PXDNL: variants seen among roughly 807,000 people sequenced by gnomAD.
The protein encoded by PXDNL is probable oxidoreductase PXDNL.
PXDNL carries 145 observed loss-of-function variants against 150.8 expected under a neutral mutation model. The observed-to-expected ratio is 0.96, with a 90% CI of 0.84 to 1.10. The LOEUF is 1.10. Ranked by LOEUF, PXDNL falls within the 50% of genes least tolerant of loss-of-function variation. The pLI, the probability that PXDNL is intolerant of heterozygous loss-of-function variation, is 0.00. For missense variants in PXDNL, 2,087 were observed against 1,873.9 expected (o/e 1.11, Z -2.10); for synonymous variants, 757 against 725.7 (o/e 1.04, Z -0.69).
intron 3 of PXDNL, among the ~76,000 whole-genome samples, chr8:51,590,364 T>C (rs992322753): frequency 5.3e-5 from 8 of 151,630 alleles, no homozygotes; most frequent in East Asian, 3.9e-4. Flanking sequence ...ATCCGTGGGA[T>C]TGGGGCTGCC....
At chr8:51,769,936 T>C (rs2037273595) in intron 1 of PXDNL, among the ~76,000 whole-genome samples, 1 of 152,174 alleles carries the variant, frequency 6.6e-6, no homozygotes, top group Non-Finnish European at 1.5e-5. Flanking sequence ...TGAGTGAATG[T>C]CCAATGGGTG....
intron 2 of PXDNL, among the ~76,000 whole-genome samples, chr8:51,596,738 T>C (rs1482248370): frequency 6.6e-6 from 1 of 151,002 alleles, no homozygotes; most frequent in Non-Finnish European, 1.5e-5. Flanking sequence ...CCTTTGCCCA[T>C]TTTTATTGAG....
rs1233200631 is a variant in PXDNL, at chr8:51,374,603, C to A, written c.3686G>T (p.Gly1229Val). 3 of 1,613,758 alleles carry A rather than the reference C, an allele frequency of 1.9e-6. No individual in the cohort carries two copies. In the African/African-American group the frequency reaches 4.0e-5, roughly 22 times the overall value. The change falls in exon 18 of 23, where the codon GGA becomes GTA. Residue 1229 changes from glycine to valine, a missense_variant. Coordinates refer to ENST00000356297, the MANE Select transcript of PXDNL (RefSeq NM_144651.5). ...FVTQFQRLRD[G>V]DRFWYENPGV... ...ATAACAGATAATCATTCACCTATCTCCATCTCTTAGCCGCTGAAACTGGGT... is the reference window on the plus strand; with the variant it reads ...ATAACAGATAATCATTCACCTATCTACATCTCTTAGCCGCTGAAACTGGGT...
chr8:51,808,607 A>G (rs1014155191), intron 1 of PXDNL, among the ~76,000 whole-genome samples: 3 of 152,182 alleles, frequency 2.0e-5, no homozygotes, highest in African/African-American at 7.2e-5. Flanking sequence ...CGATTAGTCT[A>G]AGCGGCTGCT....
chr8:51,696,588 C>G (rs1029821543), intron 1 of PXDNL, among the ~76,000 whole-genome samples: 3 of 149,508 alleles, frequency 2.0e-5, no homozygotes, highest in African/African-American at 7.3e-5. Context: ...AACTCAAGGC[C>G]CATGACTTTC....
At chr8:51,332,451 C>A (rs766035528) in intron 21 of PXDNL, among the ~76,000 whole-genome samples, 3 of 151,994 alleles carry the variant, frequency 2.0e-5, no homozygotes, top group Non-Finnish European at 4.4e-5. Context: ...CACTAGTTCA[C>A]CAGCAAAGGA....
chr8:51,392,733 C>A (rs1028744930), intron 17 of PXDNL, among the ~76,000 whole-genome samples: 2 of 152,186 alleles, frequency 1.3e-5, no homozygotes. Flanking sequence ...CCCTTTATTT[C>A]CTTCTCCTGC....
chr8:51,597,005 G>A (rs780516521), intron 2 of PXDNL, among the ~76,000 whole-genome samples: 21 of 152,062 alleles, frequency 1.4e-4, no homozygotes, highest in Admixed American at 5.2e-4. Flanking sequence ...ATGGTATTTC[G>A]TAGGTTTTCT....
chr8:51,546,672 G>A (rs1473376078), intron 4 of PXDNL, among the ~76,000 whole-genome samples: 1 of 152,220 alleles, frequency 6.6e-6, no homozygotes, highest in Non-Finnish European at 1.5e-5. Flanking sequence ...AGAAGCTCCA[G>A]CGGATGGTGC....
At chr8:51,398,295 A>C (rs545832911) in intron 17 of PXDNL, among the ~76,000 whole-genome samples, 1 of 152,348 alleles carries the variant, frequency 6.6e-6, no homozygotes, top group African/African-American at 2.4e-5. Flanking sequence ...CAGTTCCGGA[A>C]AGCTGAAGCA....
At chr8:51,495,169 C>A (rs564909536) in intron 5 of PXDNL, among the ~76,000 whole-genome samples, 10 of 152,060 alleles carry the variant, frequency 6.6e-5, no homozygotes, top group African/African-American at 2.4e-4. Context: ...ACAACCTGCT[C>A]CTGAATGACT....
chr8:51,733,016 G>A (rs1179399747), intron 1 of PXDNL, among the ~76,000 whole-genome samples: 1 of 152,136 alleles, frequency 6.6e-6, no homozygotes, highest in Non-Finnish European at 1.5e-5. Flanking sequence ...GGTGCCCTGT[G>A]GCCATTTTTA....
intron 12 of PXDNL, among the ~76,000 whole-genome samples, chr8:51,439,371 G>A (rs1327784655): frequency 6.6e-6 from 1 of 152,014 alleles, no homozygotes; most frequent in Non-Finnish European, 1.5e-5. Flanking sequence ...AAGCAAAAAT[G>A]TGATACCACC....
intron 5 of PXDNL, 103 bp downstream of exon 5, chr8:51,499,596 A>G: frequency 1.2e-6 from 1 of 814,858 alleles, no homozygotes; most frequent in African/African-American, 1.7e-5. Flanking sequence ...CTCTGCCTCT[A>G]AAGCTTACAG....
intron 4 of PXDNL, among the ~76,000 whole-genome samples, chr8:51,543,710 C>CAAA (rs572642373): frequency 1.0e-3 from 62 of 60,236 alleles, no homozygotes; most frequent in Non-Finnish European, 1.6e-3. Flanking sequence ...GACTCCATAT[C>CAAA]AAAAAAAAAA....
intron 1 of PXDNL, among the ~76,000 whole-genome samples, chr8:51,777,359 T>C (rs1465269185): frequency 6.6e-6 from 1 of 152,220 alleles, no homozygotes; most frequent in Non-Finnish European, 1.5e-5. Context: ...GGGATGACAC[T>C]TGGAATGCAA....
chr8:51,637,573 A>T (rs1169507635), intron 2 of PXDNL, among the ~76,000 whole-genome samples: 2 of 152,238 alleles, frequency 1.3e-5, no homozygotes, highest in Non-Finnish European at 2.9e-5. Flanking sequence ...TCAGTAGCCG[A>T]TTCTATCAAC....
intron 3 of PXDNL, among the ~76,000 whole-genome samples, chr8:51,572,719 A>G (rs1462896358): frequency 5.3e-5 from 8 of 151,818 alleles, no homozygotes; most frequent in Non-Finnish European, 1.2e-4. Flanking sequence ...TTTATGTAAT[A>G]TATGTCTTAA....
At chr8:51,393,778 C>T (rs999492338) in intron 17 of PXDNL, among the ~76,000 whole-genome samples, 5 of 152,086 alleles carry the variant, frequency 3.3e-5, no homozygotes, top group South Asian at 2.1e-4. Flanking sequence ...GGGGCCCCAG[C>T]GAAGGAGTGT....
Sources: gnomAD v4.1 joint callset for allele counts (sites outside exome capture counted in the v4.1 genomes callset) on GRCh38, gnomAD v4.1.1 for gene constraint, MANE v1.5 for transcripts, NCBI Gene and HGNC (gene_info 2026-07-23, HGNC 2026-07-21) for gene names.